Variants in RIGI observed in about 807,000 individuals in gnomAD.
RIGI encodes the protein antiviral innate immune response receptor RIG-I.
At chr9:32,473,145 A>G in the RIGI span, 1 of 1,063,794 alleles carries the variant, frequency 9.4e-7, no homozygotes, top group Non-Finnish European at 1.3e-6. Context: ...ACATGCAAAA[A>G]GAAAAAAATT....
the RIGI span, among the ~76,000 whole-genome samples, chr9:32,520,404 C>A: frequency 6.6e-6 from 1 of 152,054 alleles, no homozygotes; most frequent in East Asian, 1.9e-4. Flanking sequence ...TTAAATAATT[C>A]TTAGGAAACA....
At chr9:32,483,209 A>G in the RIGI span, among the ~76,000 whole-genome samples, 8 of 152,088 alleles carry the variant, frequency 5.3e-5, no homozygotes, top group African/African-American at 1.9e-4. Flanking sequence ...CACAAGCAAG[A>G]GCTGTATTTC....
chr9:32,476,074 C>T, the RIGI span, among the ~76,000 whole-genome samples: 1 of 152,018 alleles, frequency 6.6e-6, no homozygotes, highest in Non-Finnish European at 1.5e-5. Flanking sequence ...GAAAGATGTT[C>T]AGCCATATTA....
At chr9:32,468,184 C>T in the RIGI span, among the ~76,000 whole-genome samples, 1 of 152,224 alleles carries the variant, frequency 6.6e-6, no homozygotes, top group African/African-American at 2.4e-5. Flanking sequence ...GGGGGACTTA[C>T]TAGTTGTATG....
At chr9:32,467,679 A>G in the RIGI span, 1 of 1,375,566 alleles carries the variant, frequency 7.3e-7, no homozygotes, top group African/African-American at 1.4e-5. Flanking sequence ...TGGCTCAGTA[A>G]AGAGAAAGGC....
At chr9:32,474,369 C>T in the RIGI span, among the ~76,000 whole-genome samples, 1 of 152,082 alleles carries the variant, frequency 6.6e-6, no homozygotes, top group Non-Finnish European at 1.5e-5. Context: ...CTAAGGTAGC[C>T]CTCAATGATC....
At chr9:32,460,031 G>C in the RIGI span, among the ~76,000 whole-genome samples, 1 of 152,138 alleles carries the variant, frequency 6.6e-6, no homozygotes, top group Non-Finnish European at 1.5e-5. Context: ...CCCAGGGGGA[G>C]GTAATTGAAT....
At chr9:32,491,014 G>A in the RIGI span, among the ~76,000 whole-genome samples, 1 of 152,100 alleles carries the variant, frequency 6.6e-6, no homozygotes, top group East Asian at 1.9e-4. Flanking sequence ...ATTGGGTTTT[G>A]GTGAAGACTC....
the RIGI span, among the ~76,000 whole-genome samples, chr9:32,507,123 A>T: frequency 6.6e-6 from 1 of 152,342 alleles, no homozygotes; most frequent in South Asian, 2.1e-4. Flanking sequence ...CATGCAGTTT[A>T]ATTTCCAAAA....
the RIGI span, chr9:32,487,600 C>A: frequency 6.2e-7 from 1 of 1,614,152 alleles, no homozygotes; most frequent in South Asian, 1.1e-5. Context: ...TTTTTGGCAT[C>A]CCCAACACCA....
the RIGI span, among the ~76,000 whole-genome samples, chr9:32,513,783 G>C: frequency 6.6e-6 from 1 of 152,168 alleles, no homozygotes; most frequent in Non-Finnish European, 1.5e-5. Flanking sequence ...TCATCAGAAT[G>C]AACAGGCAAA....
At chr9:32,490,374 A>G in the RIGI span, among the ~76,000 whole-genome samples, 25,077 of 152,172 alleles carry the variant, frequency 0.16, 2,617 homozygotes, top group South Asian at 0.36. Flanking sequence ...CAGTCTCAAA[A>G]AACAATAACA....
chr9:32,500,651 A>G, the RIGI span, among the ~76,000 whole-genome samples: 2 of 152,216 alleles, frequency 1.3e-5, no homozygotes, highest in African/African-American at 4.8e-5. Context: ...GTAGACAATT[A>G]TATCATCTGC....
chr9:32,466,591 C>T, the RIGI span: 2 of 668,856 alleles, frequency 3.0e-6, no homozygotes, highest in South Asian at 4.0e-5. Context: ...AAAGAGTGAA[C>T]TCATGAGGCA....
At chr9:32,520,123 A>T in the RIGI span, among the ~76,000 whole-genome samples, 228 of 139,432 alleles carry the variant, frequency 1.6e-3, 1 homozygote, top group African/African-American at 5.7e-3. Context: ...TGCATTTACC[A>T]TTTTTTTTTT....
chr9:32,457,552 ATTGGAGG>A, the RIGI span: 1 of 771,486 alleles, frequency 1.3e-6, no homozygotes, highest in Non-Finnish European at 1.9e-6. Flanking sequence ...TTATTTTACA[ATTGGAGG>A]AAAAAAAAAA....
At chr9:32,525,163 G>A in the RIGI span, among the ~76,000 whole-genome samples, 1 of 152,202 alleles carries the variant, frequency 6.6e-6, no homozygotes, top group Non-Finnish European at 1.5e-5. Context: ...CTAATAAGAA[G>A]GGCTGTGTAA....
chr9:32,487,745 A>C, the RIGI span: 26 of 1,342,378 alleles, frequency 1.9e-5, no homozygotes, highest in Non-Finnish European at 2.6e-5. Context: ...TTTTACTAAC[A>C]CACAGTGTAT....
the RIGI span, among the ~76,000 whole-genome samples, chr9:32,474,897 A>G: frequency 6.6e-6 from 1 of 152,168 alleles, no homozygotes; most frequent in East Asian, 1.9e-4. Context: ...ATGGATTAGA[A>G]CACTCAATAT....
Sources: allele counts gnomAD v4.1 joint callset (sites outside exome capture counted in the v4.1 genomes callset), GRCh38; gene constraint gnomAD v4.1.1; transcripts MANE v1.5; gene names NCBI Gene and HGNC (gene_info 2026-07-23, HGNC 2026-07-21).